CCDC25: variants seen among roughly 807,000 people sequenced by gnomAD.
CCDC25 encodes coiled-coil domain-containing protein 25.
Under a neutral mutation model 35.3 loss-of-function variants are expected in CCDC25, and 16 were observed. The ratio of observed to expected loss-of-function variants is 0.45; its 90% CI spans 0.31 to 0.69. The LOEUF is 0.69. Among genes scored for constraint, CCDC25 ranks in the 30% least tolerant of loss-of-function variants. The pLI, the probability that CCDC25 is intolerant of heterozygous loss-of-function variation, is 0.06. For synonymous variants in CCDC25, 79 were observed against 80.3 expected, an observed-to-expected ratio of 0.98 and a Z score of 0.09; for missense variants, 179 against 250.7, an observed-to-expected ratio of 0.71 and a Z score of 1.93.
At chr8:27,739,839 CT>C (rs1335740754) in intron 8 of CCDC25, among the ~76,000 whole-genome samples, 1 of 152,176 alleles carries the variant, frequency 6.6e-6, no homozygotes. Flanking sequence ...CTAAATTGTG[CT>C]ATCTCTAGAC....
In CCDC25 at chr8:27,748,613, T is replaced by G. The variant is rs1411397459; in HGVS notation, c.245-15A>C. On this transcript the variant is annotated splice_polypyrimidine_tract_variant and intron_variant, in intron 5 of 8. Transcript: ENST00000356537. ...CATCTTGCAGCCTGCCAAGAGAGAC[T>G]GTCTTCAACATGCAGGCAGGATGAG... is the stretch of plus-strand genomic sequence containing the variant. 24 of 1,580,372 alleles carry G rather than the reference T, an allele frequency of 1.5e-5. No individual in the cohort carries two copies. Among genetic ancestry groups the G allele is most frequent in the Non-Finnish European group, 2.0e-5 (23 of 1,149,436 alleles).
intron 1 of CCDC25, among the ~76,000 whole-genome samples, chr8:27,767,205 A>C (rs1045150313): frequency 6.6e-6 from 1 of 152,118 alleles, no homozygotes; most frequent in Non-Finnish European, 1.5e-5. Flanking sequence ...ATCTCTACTA[A>C]AAATACAAAA....
chr8:27,757,999 T>C (rs1212244837), intron 3 of CCDC25, among the ~76,000 whole-genome samples: 1 of 152,190 alleles, frequency 6.6e-6, no homozygotes, highest in Non-Finnish European at 1.5e-5. Context: ...AAAAGTTCTA[T>C]GAATGAGGCC....
intron 3 of CCDC25, among the ~76,000 whole-genome samples, chr8:27,757,914 T>G (rs2128943462): frequency 1.3e-5 from 2 of 152,236 alleles, no homozygotes; most frequent in South Asian, 4.2e-4. Context: ...GAGATCTGTT[T>G]AAAAGTGCAC....
chr8:27,763,544 C>A (rs1563458519), intron 2 of CCDC25, among the ~76,000 whole-genome samples: 2 of 152,090 alleles, frequency 1.3e-5, no homozygotes, highest in Non-Finnish European at 2.9e-5. Context: ...ATGGTGAAAC[C>A]CCATCTCCAC....
At chr8:27,752,223 A>G (rs952344258) in intron 5 of CCDC25, among the ~76,000 whole-genome samples, 1 of 152,234 alleles carries the variant, frequency 6.6e-6, no homozygotes. Flanking sequence ...TTATAATAAC[A>G]CTAAGTACAG....
chr8:27,737,068 T>C lies in CCDC25; in HGVS notation c.598-823A>G, dbSNP rs987175134. On this transcript the variant is annotated intron_variant, in intron 8 of 8. Transcript: ENST00000356537. This position sits in a 1 kb window ranked among gnomAD's most constrained non-coding sequence, Gnocchi z 4.6. The stretch of plus-strand genomic sequence containing the variant: ...TTATCTAAATGGCCCTTATTAAAGA[T>C]GGTAGAGAAATACGATATGGGTAGA... 4.6e-5 allele frequency among the ~76,000 whole-genome samples: 7 copies of C among 152,234 alleles called. No individual in the cohort carries two copies. Among genetic ancestry groups the C allele is most frequent in the African/African-American group, 9.6e-5 (4 of 41,460 alleles).
chr8:27,760,856 T>A (rs1804202783), intron 3 of CCDC25, among the ~76,000 whole-genome samples: 1 of 152,216 alleles, frequency 6.6e-6, no homozygotes, highest in South Asian at 2.1e-4. Flanking sequence ...CTGGGCGCGG[T>A]GGCTCACGCC....
chr8:27,770,185 T>C (rs1318405719), intron 1 of CCDC25, among the ~76,000 whole-genome samples: 2 of 152,128 alleles, frequency 1.3e-5, no homozygotes, highest in Non-Finnish European at 2.9e-5. Flanking sequence ...TCACCTTTTG[T>C]AATTCCAGCA....
chr8:27,740,160 T>C (rs1054483267), intron 8 of CCDC25, among the ~76,000 whole-genome samples: 3 of 152,178 alleles, frequency 2.0e-5, no homozygotes, highest in African/African-American at 7.2e-5. Context: ...CACTTTTGCA[T>C]GCCTGCAACC....
At chr8:27,768,231 C>T (rs1194450812) in intron 1 of CCDC25, among the ~76,000 whole-genome samples, 1 of 151,736 alleles carries the variant, frequency 6.6e-6, no homozygotes, top group East Asian at 1.9e-4. Flanking sequence ...AAATCTTTTA[C>T]TATACTTGCA....
intron 5 of CCDC25, among the ~76,000 whole-genome samples, chr8:27,751,286 C>A (rs1306484223): frequency 6.6e-6 from 1 of 152,190 alleles, no homozygotes; most frequent in East Asian, 1.9e-4. Flanking sequence ...TGTTTCAATT[C>A]TTCTTGTTAT....
At chr8:27,765,140 T>C (rs1585374796) in intron 2 of CCDC25, 64 bp downstream of exon 2, 2 of 1,409,968 alleles carry the variant, frequency 1.4e-6, no homozygotes, top group Non-Finnish European at 1.9e-6. Context: ...GCATGGAAGG[T>C]GGTGAGTGAG....
Position 27,734,606 on chromosome 8 carries a change from CA to C in CCDC25, c.*1609del, listed in dbSNP as rs1351657771. The C allele has an allele frequency of 6.6e-6, 1 of 152,208 alleles. No homozygotes were observed. Among genetic ancestry groups the C allele is most frequent in the Non-Finnish European group, 1.5e-5 (1 of 68,046 alleles). The allele number at this position is 152,208 out of a possible 1,614,324, so 9.4% of individuals were successfully genotyped here. ...AATCAACACAGAGCTATGAATTCAACAAGAGAATTCAGCAGAGACCTGGACA... is the reference window on the plus strand; with the variant it reads ...AATCAACACAGAGCTATGAATTCAACAGAGAATTCAGCAGAGACCTGGACA... On this transcript the variant is annotated 3_prime_UTR_variant, in exon 9 of 9. Coordinates refer to ENST00000356537, the MANE Select transcript of CCDC25 (RefSeq NM_018246.3).
intron 8 of CCDC25, among the ~76,000 whole-genome samples, chr8:27,739,454 C>T (rs1803362982): frequency 6.6e-6 from 1 of 151,852 alleles, no homozygotes; most frequent in Non-Finnish European, 1.5e-5. Context: ...CCCTTGATTT[C>T]TTTATCTGTG....
In CCDC25 at chr8:27,737,884, TCA is replaced by T. The variant is rs141212043; in HGVS notation, c.598-1641_598-1640del. On this transcript the variant is annotated intron_variant, in intron 8 of 8. Transcript: ENST00000356537. The surrounding 1 kb of genome is among the most constrained non-coding windows in gnomAD (Gnocchi z 4.6). ...AACTGTGGTGTGTGTATACACACAC[TCA>T]CACACACACACACACACACACACAC... Among the ~76,000 whole-genome samples, 1,962 of 148,526 alleles carry T rather than the reference TCA, an allele frequency of 0.013. 43 individuals are homozygous for T. The highest frequency in any genetic ancestry group is 0.044 in the African/African-American group (1,766 of 40,290).
intron 7 of CCDC25, among the ~76,000 whole-genome samples, chr8:27,741,192 A>T (rs1803424383): frequency 6.6e-6 from 1 of 152,204 alleles, no homozygotes; most frequent in Non-Finnish European, 1.5e-5. Context: ...ATAATACACA[A>T]CTGAGTAAAG....
chr8:27,755,613 T>C (rs1159450565), intron 4 of CCDC25, among the ~76,000 whole-genome samples: 1 of 152,030 alleles, frequency 6.6e-6, no homozygotes, highest in African/African-American at 2.4e-5. Flanking sequence ...AAAGCAACCT[T>C]ATAGTAGAGC....
chr8:27,755,870 G>T (rs11782624), intron 4 of CCDC25, among the ~76,000 whole-genome samples: 64,864 of 152,004 alleles, frequency 0.43, 14,094 homozygotes, highest in East Asian at 0.63. Context: ...GAGAAAGAAT[G>T]AGAAATTGTG....
Sources: allele counts gnomAD v4.1 joint callset (sites outside exome capture counted in the v4.1 genomes callset), GRCh38; gene constraint gnomAD v4.1.1; non-coding constraint Gnocchi (gnomAD v3.1); transcripts MANE v1.5; gene names NCBI Gene and HGNC (gene_info 2026-07-23, HGNC 2026-07-21).